PDE4D: variants seen among roughly 807,000 people sequenced by gnomAD.
PDE4D encodes the protein phosphodiesterase 4D, also known as 3',5'-cyclic-AMP phosphodiesterase 4D.
Under a neutral mutation model 87.4 loss-of-function variants are expected in PDE4D, and 24 were observed. The ratio of observed to expected loss-of-function variants is 0.27; its 90% CI spans 0.20 to 0.39. PDE4D has a LOEUF of 0.39. PDE4D is among the 10% of genes least tolerant of loss of function. PDE4D has a pLI of 1.00. For synonymous variants in PDE4D, 384 were observed against 383.2 expected, an observed-to-expected ratio of 1.00 and a Z score of -0.02; for missense variants, 714 against 1,041.0, an observed-to-expected ratio of 0.69 and a Z score of 4.32.
intron 1 of PDE4D, among the ~76,000 whole-genome samples, chr5:59,702,952 A>C (rs1561505338): frequency 6.6e-6 from 1 of 152,096 alleles, no homozygotes; most frequent in Non-Finnish European, 1.5e-5. Context: ...TAAGTGAAAA[A>C]GTGAGCTTCT....
At chr5:59,261,270 T>C (rs1356107618) in intron 1 of PDE4D, among the ~76,000 whole-genome samples, 1 of 151,812 alleles carries the variant, frequency 6.6e-6, no homozygotes, top group Non-Finnish European at 1.5e-5. Flanking sequence ...GATAGTCCAT[T>C]CGAAAGTTTT....
intron 1 of PDE4D, among the ~76,000 whole-genome samples, chr5:59,788,313 T>C (rs936488595): frequency 1.3e-5 from 2 of 152,186 alleles, no homozygotes; most frequent in African/African-American, 4.8e-5. Flanking sequence ...GAGCTCCTTG[T>C]ACTGAAGAAG....
chr5:60,024,638 C>T (rs1481098154), intron 2 of PDE4D, among the ~76,000 whole-genome samples: 1 of 152,020 alleles, frequency 6.6e-6, no homozygotes, highest in Non-Finnish European at 1.5e-5. Flanking sequence ...AATTATGGAA[C>T]TCCAAATGAG....
chr5:60,326,915 G>C (rs781011988), intron 1 of PDE4D, among the ~76,000 whole-genome samples: 10 of 152,152 alleles, frequency 6.6e-5, no homozygotes, highest in Non-Finnish European at 1.5e-4. Flanking sequence ...GGTAGACACA[G>C]TAAAAAGTTC....
chr5:60,094,398 C>T (rs1187231348), intron 2 of PDE4D, among the ~76,000 whole-genome samples: 3 of 152,030 alleles, frequency 2.0e-5, no homozygotes, highest in Non-Finnish European at 2.9e-5. Context: ...AGTTAAAAGA[C>T]TAAAAATACT....
chr5:59,165,146 CCTAT>C (rs746836076), intron 5 of PDE4D: 2 of 152,134 alleles, frequency 1.3e-5, no homozygotes, highest in African/African-American at 2.4e-5. Context: ...ATTTATTTCC[CCTAT>C]CTAAGAGCAC....
chr5:58,972,060 T>G lies in PDE4D; in HGVS notation c.*2604A>C, dbSNP rs542930751. 1.1e-4 allele frequency: 17 copies of G among 152,682 alleles called. No individual in the cohort carries two copies. The highest frequency in any genetic ancestry group is 2.2e-4 in the Non-Finnish European group (15 of 68,018). The allele number at this position is 152,682 out of a possible 1,614,324, so 9.5% of individuals were successfully genotyped here. ...TAGTGCAGTTATAAACCCTTTACCC[T>G]TTCAGGTCTGGATTTGTTAATGACA... is the stretch of plus-strand genomic sequence containing the variant. On this transcript the variant is annotated 3_prime_UTR_variant, in exon 15 of 15. Coordinates refer to ENST00000340635, the MANE Select transcript of PDE4D (RefSeq NM_001104631.2).
intron 6 of PDE4D, among the ~76,000 whole-genome samples, chr5:59,017,131 C>A (rs886776540): frequency 6.6e-6 from 1 of 152,108 alleles, no homozygotes; most frequent in Non-Finnish European, 1.5e-5. Context: ...GGAATGAGAG[C>A]CGAGGCAAGT....
At chr5:60,501,319 A>G (rs1303663172) in intron 1 of PDE4D, among the ~76,000 whole-genome samples, 1 of 152,066 alleles carries the variant, frequency 6.6e-6, no homozygotes, top group Non-Finnish European at 1.5e-5. Context: ...GTCCCTACAA[A>G]GGACATGAAC....
intron 3 of PDE4D, among the ~76,000 whole-genome samples, chr5:59,959,848 G>T (rs1245941723): frequency 6.6e-6 from 1 of 152,098 alleles, no homozygotes; most frequent in Non-Finnish European, 1.5e-5. Flanking sequence ...TGAAAATTAG[G>T]ATCTAATTAA....
At chr5:59,983,074 T>C (rs1387875098) in intron 3 of PDE4D, among the ~76,000 whole-genome samples, 4 of 152,128 alleles carry the variant, frequency 2.6e-5, no homozygotes, top group African/African-American at 4.8e-5. Context: ...AAGATGGTAG[T>C]AGGTGGGAGA....
chr5:60,044,333 A>G lies in PDE4D; in HGVS notation c.43-55616T>C, dbSNP rs535645163. ...TTTTTAAAAGATCCTGTTTCTTAAC[A>G]TCTTTGACACTTCATTTATACTCTA... On this transcript the variant is annotated intron_variant, in intron 2 of 16. Transcript: ENST00000502484. Among the ~76,000 whole-genome samples the G allele has an allele frequency of 3.5e-4, 53 of 151,332 alleles. No individual in the cohort carries two copies. In the East Asian group the frequency reaches 6.5e-3, roughly 19 times the overall value.
intron 5 of PDE4D, among the ~76,000 whole-genome samples, chr5:59,053,352 T>A (rs1408795734): frequency 7.4e-6 from 1 of 135,494 alleles, no homozygotes; most frequent in African/African-American, 2.9e-5. Context: ...GAAAACATAA[T>A]GGGTGTACAT....
chr5:59,594,116 C>T (rs1367738796), intron 1 of PDE4D, among the ~76,000 whole-genome samples: 1 of 149,654 alleles, frequency 6.7e-6, no homozygotes. Context: ...CAATTCCAGC[C>T]CACGTTAGCC....
chr5:60,362,872 A>AG (rs1323867210), intron 1 of PDE4D, among the ~76,000 whole-genome samples: 2 of 152,068 alleles, frequency 1.3e-5, no homozygotes, highest in African/African-American at 4.8e-5. Context: ...AGAAAAAAAA[A>AG]AAAAAAGAAA....
At chr5:60,411,461 A>G (rs768152176) in intron 1 of PDE4D, among the ~76,000 whole-genome samples, 10 of 151,772 alleles carry the variant, frequency 6.6e-5, no homozygotes, top group Middle Eastern at 3.2e-3. Context: ...GAAGTATCAC[A>G]TAAGTGTTAG....
intron 1 of PDE4D, among the ~76,000 whole-genome samples, chr5:59,270,093 GT>G (rs1424013667): frequency 1.3e-5 from 2 of 152,046 alleles, no homozygotes; most frequent in African/African-American, 4.8e-5. Context: ...TTCTAGTTAT[GT>G]TTTAAATACA....
At chr5:59,762,970 T>TAA (rs918748273) in intron 1 of PDE4D, among the ~76,000 whole-genome samples, 2 of 146,024 alleles carry the variant, frequency 1.4e-5, no homozygotes, top group African/African-American at 5.1e-5. Context: ...TATAAAATGG[T>TAA]AAACACACAA....
At chr5:60,094,495 A>G (rs1215940705) in intron 2 of PDE4D, among the ~76,000 whole-genome samples, 1 of 151,576 alleles carries the variant, frequency 6.6e-6, no homozygotes, top group Non-Finnish European at 1.5e-5. Context: ...AGTACTTTAG[A>G]ATGTGATTTG....
Sources: gnomAD v4.1 joint callset for allele counts (sites outside exome capture counted in the v4.1 genomes callset) on GRCh38, gnomAD v4.1.1 for gene constraint, MANE v1.5 for transcripts, NCBI Gene and HGNC (gene_info 2026-07-23, HGNC 2026-07-21) for gene names.